STAM2: variants seen among roughly 807,000 people sequenced by gnomAD.
STAM2 encodes signal transducing adapter molecule 2.
In STAM2, 51 loss-of-function variants were observed where a neutral mutation model predicts 65.6. The observed-to-expected ratio is 0.78, with a 90% CI of 0.62 to 0.98. The LOEUF (loss-of-function observed/expected upper bound fraction) is 0.98, where lower values mean the gene tolerates loss of function less well. STAM2 is among the 50% of genes least tolerant of loss of function. STAM2 has a pLI of 0.00. For synonymous variants in STAM2, 198 were observed against 208.4 expected (o/e 0.95, Z 0.43); for missense variants, 584 against 617.8 (o/e 0.95, Z 0.58).
chr2:152,171,977 C>T, intron 1 of STAM2, among the ~76,000 whole-genome samples: 1 of 152,154 alleles, frequency 6.6e-6, no homozygotes, highest in East Asian at 1.9e-4. Context: ...GAAATGACAT[C>T]TTCTCTGTTA....
chr2:152,135,550 G>C lies in STAM2; in HGVS notation c.758C>G (p.Ser253Cys), dbSNP rs767812065. 1 of 1,612,536 alleles carries C rather than the reference G, an allele frequency of 6.2e-7. No homozygotes were observed. Among genetic ancestry groups the C allele is most frequent in the Non-Finnish European group, 8.5e-7 (1 of 1,179,398 alleles). ...GTTTAAATTAGTTGTTACAAAATTG[G>C]ATGGGAAAAGTCCTATTCCTCTGTG... ...ENHRGIGLFP[S>C]NFVTTNLNIE... The change falls in exon 8 of 14, where the codon TCC becomes TGC. Residue 253 changes from serine to cysteine, a missense_variant. Transcript: ENST00000263904.
intron 1 of STAM2, among the ~76,000 whole-genome samples, chr2:152,158,909 T>C (rs558925684): frequency 6.6e-6 from 1 of 151,122 alleles, no homozygotes; most frequent in African/African-American, 2.4e-5. Flanking sequence ...AAAGTCCCCA[T>C]CCCCCAATAC....
At chr2:152,160,127 T>C (rs953715358) in intron 1 of STAM2, among the ~76,000 whole-genome samples, 1 of 152,174 alleles carries the variant, frequency 6.6e-6, no homozygotes, top group African/African-American at 2.4e-5. Context: ...AGTGCCAAGA[T>C]TGCAGCCTCT....
chr2:152,160,262 G>A (rs1474494136), intron 1 of STAM2, among the ~76,000 whole-genome samples: 3 of 150,832 alleles, frequency 2.0e-5, no homozygotes, highest in Admixed American at 6.6e-5. Context: ...CTGCCCGGCC[G>A]CCATCCCATC....
intron 13 of STAM2, among the ~76,000 whole-genome samples, chr2:152,123,175 G>T (rs908125395): frequency 6.6e-6 from 1 of 151,784 alleles, no homozygotes; most frequent in African/African-American, 2.4e-5. Context: ...TTCGAGACCA[G>T]CCTGACCAAT....
At chr2:152,160,831 G>C (rs542667238) in intron 1 of STAM2, among the ~76,000 whole-genome samples, 423 of 146,570 alleles carry the variant, frequency 2.9e-3, no homozygotes, top group Non-Finnish European at 5.2e-3. Context: ...TGGTGGGGGG[G>C]TCAGCCCCCC....
intron 1 of STAM2, among the ~76,000 whole-genome samples, chr2:152,157,289 C>G (rs932904926): frequency 6.6e-6 from 1 of 152,182 alleles, no homozygotes; most frequent in Non-Finnish European, 1.5e-5. Context: ...GGTCAAGCAG[C>G]ACTGGGAGTC....
chr2:152,156,892 G>C (rs1382662222), intron 1 of STAM2, among the ~76,000 whole-genome samples: 4 of 152,094 alleles, frequency 2.6e-5, no homozygotes, highest in Non-Finnish European at 4.4e-5. Flanking sequence ...TTCCAAACAT[G>C]ATAGAATATC....
chr2:152,139,112 A>T (rs1579318425), intron 7 of STAM2, among the ~76,000 whole-genome samples: 2 of 152,332 alleles, frequency 1.3e-5, no homozygotes, highest in East Asian at 3.9e-4. Context: ...GCAAAAAAAC[A>T]TTGTTCAAGC....
At chr2:152,132,231 T>A in intron 10 of STAM2, 63 bp from the exon 11 acceptor site, 1 of 1,249,422 alleles carries the variant, frequency 8.0e-7, no homozygotes, top group Non-Finnish European at 1.2e-6. Flanking sequence ...ATTTCAACAA[T>A]TTTTAACAAT....
At chr2:152,157,028 T>C (rs1049937487) in intron 1 of STAM2, among the ~76,000 whole-genome samples, 2 of 152,258 alleles carry the variant, frequency 1.3e-5, no homozygotes, top group African/African-American at 4.8e-5. Flanking sequence ...GGGAAATATG[T>C]AGTGAGCCTC....
chr2:152,148,864 G>A (rs898225068), intron 2 of STAM2, among the ~76,000 whole-genome samples: 84 of 151,104 alleles, frequency 5.6e-4, no homozygotes, highest in African/African-American at 2.0e-3. Flanking sequence ...CAACACAAGA[G>A]ACGTATACCA....
At chr2:152,125,439 A>G (rs1473144583) in intron 12 of STAM2, among the ~76,000 whole-genome samples, 7 of 152,152 alleles carry the variant, frequency 4.6e-5, no homozygotes, top group Non-Finnish European at 8.8e-5. Context: ...TTTACATACC[A>G]GTTTTCATAA....
intron 7 of STAM2, among the ~76,000 whole-genome samples, chr2:152,139,914 T>C (rs1397633113): frequency 6.6e-6 from 1 of 152,222 alleles, no homozygotes; most frequent in Non-Finnish European, 1.5e-5. Flanking sequence ...GCATTTACAT[T>C]GTATCAGGTA....
At chr2:152,161,306 C>G (rs1294096050) in intron 1 of STAM2, among the ~76,000 whole-genome samples, 4 of 150,476 alleles carry the variant, frequency 2.7e-5, no homozygotes, top group Non-Finnish European at 5.9e-5. Context: ...GCAGCATGCT[C>G]GTTAAGAGTC....
At chr2:152,131,766 C>A in intron 11 of STAM2, 1 of 247,848 alleles carries the variant, frequency 4.0e-6, no homozygotes. Flanking sequence ...TCCATCACTA[C>A]AGTGGCAATG....
Position 152,123,859 on chromosome 2 carries a change from C to CTATA in STAM2, c.1252_1255dup (p.Ser419IlefsTer2). 1 of 1,614,096 alleles carries CTATA rather than the reference C, an allele frequency of 6.2e-7. No homozygotes were observed. Among genetic ancestry groups the CTATA allele is most frequent in the South Asian group, 1.1e-5 (1 of 91,070 alleles). On this transcript the variant is annotated stop_gained and frameshift_variant, in exon 13 of 14. Coordinates refer to ENST00000263904, the MANE Select transcript of STAM2 (RefSeq NM_005843.6). LOFTEE classifies it high-confidence loss of function. ...TGGACCAATTTGATCGGGTCCTAGGCTATAGCTTTGGGCAACAGTTACTTG... is the reference window on the plus strand; with the variant it reads ...TGGACCAATTTGATCGGGTCCTAGGCTATATATAGCTTTGGGCAACAGTTACTTG...
At position 152,120,474 on chromosome 2, in the gene STAM2, T is replaced by C; in HGVS notation, c.*100A>G. 1 of 976,680 alleles carries C rather than the reference T, an allele frequency of 1.0e-6. No individual in the cohort carries two copies. Among genetic ancestry groups the C allele is most frequent in the Admixed American group, 2.3e-5 (1 of 44,310 alleles). The allele number at this position is 976,680 out of a possible 1,614,324, so 60.5% of individuals were successfully genotyped here. A position where few individuals can be genotyped will look rare whatever the true frequency, so the allele number is the denominator to read the frequency against. ...TGTGCTTTATTTATTCATGGTCCTT[T>C]TGAGTTGAGAGGGAAAAAAGTTTTA... On this transcript the variant is annotated 3_prime_UTR_variant, in exon 14 of 14. Coordinates refer to ENST00000263904, the MANE Select transcript of STAM2 (RefSeq NM_005843.6).
intron 1 of STAM2, among the ~76,000 whole-genome samples, chr2:152,162,159 A>G: frequency 6.6e-6 from 1 of 152,214 alleles, no homozygotes; most frequent in Non-Finnish European, 1.5e-5. Flanking sequence ...ACCTACTTAC[A>G]GCTCTGAGTA....
Sources: gnomAD v4.1 joint callset for allele counts (sites outside exome capture counted in the v4.1 genomes callset) on GRCh38, gnomAD v4.1.1 for gene constraint, MANE v1.5 for transcripts, NCBI Gene and HGNC (gene_info 2026-07-23, HGNC 2026-07-21) for gene names.